Variants in ASAP1 observed in about 807,000 individuals in gnomAD.
ASAP1 encodes arf-GAP with SH3 domain, ANK repeat and PH domain-containing protein 1.
A neutral mutation model predicts 145.2 loss-of-function variants in ASAP1; 43 were observed. The observed-to-expected ratio is 0.30, with a 90% confidence interval of 0.23 to 0.38. ASAP1 has a LOEUF of 0.38. Ranked by LOEUF, ASAP1 falls within the 10% of genes least tolerant of loss-of-function variation. ASAP1 has a pLI of 1.00. For missense variants in ASAP1, 1,018 were observed against 1,355.3 expected, an observed-to-expected ratio of 0.75 and a Z score of 3.91; for synonymous variants, 546 against 515.5, an observed-to-expected ratio of 1.06 and a Z score of -0.80.
intron 25 of ASAP1, chr8:130,083,766 C>T (rs1204621965): frequency 6.6e-6 from 1 of 152,122 alleles, no homozygotes; most frequent in African/African-American, 2.4e-5. Context: ...TGGACCCCAC[C>T]TTCTATGTCT....
Position 130,128,069 on chromosome 8 carries a change from A to G in ASAP1, c.1239T>C (p.Asn413=), listed in dbSNP as rs2097577735. 1.9e-6 allele frequency: 3 copies of G among 1,582,574 alleles called. No homozygotes were observed. The highest frequency in any genetic ancestry group is 2.6e-6 in the Non-Finnish European group (3 of 1,165,676). The change falls in exon 16 of 30, where the codon AAT becomes AAC. Residue 413 remains asparagine (N), a synonymous_variant. Coordinates refer to ENST00000518721, the MANE Select transcript of ASAP1 (RefSeq NM_018482.4). ...CCATGGTTAGGGCCTCTTCTTTGCTATTTGTCAATACTGATATCCATCTGT... is the reference window on the plus strand; with the variant it reads ...CCATGGTTAGGGCCTCTTCTTTGCTGTTTGTCAATACTGATATCCATCTGT... ...DYVAWISVLT[N]SKEEALTMAF...
At chr8:130,092,452 C>T (rs984924564) in intron 24 of ASAP1, among the ~76,000 whole-genome samples, 7 of 152,066 alleles carry the variant, frequency 4.6e-5, no homozygotes, top group Non-Finnish European at 5.9e-5. Flanking sequence ...CACAGCAAGA[C>T]GCCATCTCTA....
Position 130,159,888 on chromosome 8 carries a change from C to G in ASAP1, c.986G>C (p.Gly329Ala). The part of the protein sequence containing the change: ...GNKEYGSEKK[G>A]YLLKKSDGIR... Reference sequence around the variant, plus strand: ...CCCGTCACTTTTCTTTAGCAGGTACCCCTTCTTTTCACTGCCATATTCCTT... The same window carrying G: ...CCCGTCACTTTTCTTTAGCAGGTACGCCTTCTTTTCACTGCCATATTCCTT... The change falls in exon 12 of 30, where the codon GGG (glycine) becomes GCG (alanine). Residue 329 changes from glycine to alanine, a missense_variant. Coordinates refer to ENST00000518721, the MANE Select transcript of ASAP1 (RefSeq NM_018482.4). 6.2e-7 allele frequency: 1 copy of G among 1,613,990 alleles called. No homozygotes were observed. Among genetic ancestry groups the G allele is most frequent in the South Asian group, 1.1e-5 (1 of 91,078 alleles).
chr8:130,125,784 A>G (rs1259241398), intron 17 of ASAP1, among the ~76,000 whole-genome samples, 172 bp downstream of exon 17: 1 of 152,248 alleles, frequency 6.6e-6, no homozygotes, highest in Non-Finnish European at 1.5e-5. Context: ...AGGAAATAGA[A>G]AGTCAGCATT....
intron 1 of ASAP1, among the ~76,000 whole-genome samples, chr8:130,410,862 T>A (rs532036052): frequency 1.3e-5 from 2 of 152,316 alleles, no homozygotes; most frequent in African/African-American, 4.8e-5. Flanking sequence ...CTGTGTCATC[T>A]TCTTTTTCTG....
At chr8:130,408,803 C>A (rs1214308024) in intron 1 of ASAP1, among the ~76,000 whole-genome samples, 5 of 152,148 alleles carry the variant, frequency 3.3e-5, no homozygotes, top group Admixed American at 1.3e-4. Context: ...TAACATTTCC[C>A]AAGTCATACA....
At chr8:130,330,521 C>T (rs1396472441) in intron 3 of ASAP1, among the ~76,000 whole-genome samples, 2 of 152,256 alleles carry the variant, frequency 1.3e-5, no homozygotes, top group Non-Finnish European at 2.9e-5. Context: ...CTAATTCATT[C>T]TGTTACCCTT....
intron 3 of ASAP1, among the ~76,000 whole-genome samples, chr8:130,346,240 A>C (rs1255074023): frequency 6.6e-6 from 1 of 152,222 alleles, no homozygotes; most frequent in Non-Finnish European, 1.5e-5. Flanking sequence ...ACATACGTGA[A>C]CATGAATAAG....
At chr8:130,114,230 C>T (rs2097551184) in intron 23 of ASAP1, among the ~76,000 whole-genome samples, 1 of 152,170 alleles carries the variant, frequency 6.6e-6, no homozygotes, top group Non-Finnish European at 1.5e-5. Context: ...ATAGAGTATA[C>T]TTACACAAAC....
chr8:130,220,280 T>C (rs572522148), intron 4 of ASAP1, among the ~76,000 whole-genome samples: 2 of 152,346 alleles, frequency 1.3e-5, no homozygotes, highest in South Asian at 2.1e-4. Context: ...CTAGTATTAC[T>C]ATTCCAGTAA....
intron 23 of ASAP1, among the ~76,000 whole-genome samples, chr8:130,114,027 C>G (rs2097550824): frequency 6.6e-6 from 1 of 152,148 alleles, no homozygotes; most frequent in Non-Finnish European, 1.5e-5. Context: ...AGGCATCCAC[C>G]CGTCTCACCC....
At chr8:130,400,805 A>T (rs1828761163) in intron 2 of ASAP1, among the ~76,000 whole-genome samples, 1 of 151,990 alleles carries the variant, frequency 6.6e-6, no homozygotes, top group African/African-American at 2.4e-5. Flanking sequence ...AAAAAAAAAA[A>T]AGGCAAGGGT....
intron 3 of ASAP1, among the ~76,000 whole-genome samples, chr8:130,249,312 C>T (rs1378541557): frequency 6.6e-6 from 1 of 152,154 alleles, no homozygotes; most frequent in Non-Finnish European, 1.5e-5. Context: ...CTTTCACAGA[C>T]TCGCCTTTGC....
chr8:130,164,892 T>C (rs2097676771), intron 11 of ASAP1, among the ~76,000 whole-genome samples: 1 of 152,216 alleles, frequency 6.6e-6, no homozygotes, highest in Admixed American at 6.5e-5. Context: ...GACATTCTTT[T>C]CAAATAGTAC....
At chr8:130,357,201 C>T (rs1310538420) in intron 3 of ASAP1, among the ~76,000 whole-genome samples, 1 of 152,046 alleles carries the variant, frequency 6.6e-6, no homozygotes, top group African/African-American at 2.4e-5. Flanking sequence ...TTGGCCCTGC[C>T]CCCCACCCCC....
At chr8:130,356,718 G>T (rs1214402066) in intron 3 of ASAP1, among the ~76,000 whole-genome samples, 1 of 152,110 alleles carries the variant, frequency 6.6e-6, no homozygotes, top group Non-Finnish European at 1.5e-5. Flanking sequence ...GGCCAGATGG[G>T]ACCCAGCACT....
At chr8:130,284,842 T>TACACACACACACACAC (rs34799517) in intron 3 of ASAP1, among the ~76,000 whole-genome samples, 50 of 141,628 alleles carry the variant, frequency 3.5e-4, no homozygotes, top group African/African-American at 6.9e-4. Flanking sequence ...TTTTACACTC[T>TACACACACACACACAC]ACACACACAC....
At chr8:130,295,460 G>A (rs756734484) in intron 3 of ASAP1, among the ~76,000 whole-genome samples, 2 of 152,082 alleles carry the variant, frequency 1.3e-5, no homozygotes, top group Admixed American at 6.5e-5. Context: ...CTTACTGGCT[G>A]TATGACAAAA....
chr8:130,282,510 A>G (rs900822875), intron 3 of ASAP1, among the ~76,000 whole-genome samples: 1 of 152,214 alleles, frequency 6.6e-6, no homozygotes, highest in South Asian at 2.1e-4. Flanking sequence ...TCTGCACTCC[A>G]CGTGGATACT....
Sources: allele counts gnomAD v4.1 joint callset (sites outside exome capture counted in the v4.1 genomes callset), GRCh38; gene constraint gnomAD v4.1.1; transcripts MANE v1.5; gene names NCBI Gene and HGNC (gene_info 2026-07-23, HGNC 2026-07-21).